LAMA3: variants seen among roughly 807,000 people sequenced by gnomAD.
LAMA3 encodes laminin subunit alpha-3.
LAMA3 carries 281 observed loss-of-function variants against 402.0 expected under a neutral mutation model. The ratio of observed to expected loss-of-function variants is 0.70; its 90% CI spans 0.63 to 0.77. LAMA3 has a LOEUF of 0.77. Among genes scored for constraint, LAMA3 ranks in the 30% least tolerant of loss-of-function variants. LAMA3 has a pLI of 0.00. For synonymous variants in LAMA3, 1,431 were observed against 1,558.4 expected, an observed-to-expected ratio of 0.92 and a Z score of 1.93; for missense variants, 3,840 against 4,215.5, an observed-to-expected ratio of 0.91 and a Z score of 2.47.
At chr18:23,909,010 A>T (rs1003428919) in intron 54 of LAMA3, 143 bp from the exon 55 acceptor site, 2 of 752,908 alleles carry the variant, frequency 2.7e-6, no homozygotes, top group Non-Finnish European at 4.6e-6. Flanking sequence ...TAAGGGGGGA[A>T]CTACCGTAAC....
chr18:23,717,614 G>A (rs543337541), intron 2 of LAMA3, among the ~76,000 whole-genome samples: 12 of 139,300 alleles, frequency 8.6e-5, no homozygotes, highest in South Asian at 7.0e-4. Context: ...GTGCAGTGGC[G>A]TGATATCAGC....
chr18:23,806,777 G>A (rs1186080064), intron 12 of LAMA3, among the ~76,000 whole-genome samples: 1 of 152,224 alleles, frequency 6.6e-6, no homozygotes, highest in Non-Finnish European at 1.5e-5. Context: ...GTTTTCTGCA[G>A]TCTCAGCTCT....
intron 30 of LAMA3, 91 bp downstream of exon 30, chr18:23,845,215 A>G (rs2063787868): frequency 2.6e-6 from 2 of 776,350 alleles, no homozygotes; most frequent in South Asian, 1.4e-5. Flanking sequence ...TGGCCCATGG[A>G]TCCGTCCTCT....
chr18:23,798,987 T>C (rs1385271977), intron 12 of LAMA3, among the ~76,000 whole-genome samples: 1 of 152,210 alleles, frequency 6.6e-6, no homozygotes, highest in Non-Finnish European at 1.5e-5. Context: ...CAAGATACAA[T>C]GAAGTAACAC....
In LAMA3 at chr18:23,784,165, G is replaced by A. The variant is rs1226512603; in HGVS notation, c.1603+8G>A. ...CATTCCCTATTTGCCAAGGTAAGTG[G>A]GCAGAACATAGCATATTCATAATCA... is the stretch of plus-strand genomic sequence containing the variant. On this transcript the variant is annotated splice_region_variant and intron_variant, in intron 12 of 74. Transcript: ENST00000313654. 1 of 1,614,050 alleles carries A rather than the reference G, an allele frequency of 6.2e-7. No individual in the cohort carries two copies.
intron 20 of LAMA3, among the ~76,000 whole-genome samples, chr18:23,823,466 G>A (rs554618621): frequency 5.1e-4 from 77 of 152,270 alleles, no homozygotes; most frequent in African/African-American, 1.8e-3. Flanking sequence ...TTTCCCCTAA[G>A]TCTGAGTTGG....
At chr18:23,773,005 AG>A (rs560183323) in intron 8 of LAMA3, among the ~76,000 whole-genome samples, 34 of 152,352 alleles carry the variant, frequency 2.2e-4, no homozygotes, top group African/African-American at 8.2e-4. Flanking sequence ...TATTCAGAAA[AG>A]GGTTTTATGA....
intron 39 of LAMA3, among the ~76,000 whole-genome samples, chr18:23,880,418 TA>T: frequency 6.6e-6 from 1 of 152,250 alleles, no homozygotes; most frequent in East Asian, 1.9e-4. Context: ...GTGTTTTGTG[TA>T]ATTTTCAGTT....
At chr18:23,933,726 G>A in intron 66 of LAMA3, 56 bp from the exon 67 acceptor site, 2 of 1,591,722 alleles carry the variant, frequency 1.3e-6, no homozygotes, top group Non-Finnish European at 1.7e-6. Context: ...CTACCAGAGG[G>A]TCTTCCTCGA....
intron 1 of LAMA3, among the ~76,000 whole-genome samples, chr18:23,712,378 TCA>T (rs760676268): frequency 6.8e-5 from 5 of 73,068 alleles, no homozygotes; most frequent in Admixed American, 1.4e-4. Flanking sequence ...AAACTCCGTC[TCA>T]AAAAAAAAAA....
intron 56 of LAMA3, 33 bp from the exon 57 acceptor site, chr18:23,914,377 G>A (rs1167900120): frequency 1.9e-6 from 3 of 1,613,776 alleles, no homozygotes; most frequent in Non-Finnish European, 2.5e-6. Context: ...AAACCACAAT[G>A]TGAAGTGTTC....
intron 46 of LAMA3, 32 bp from the exon 47 acceptor site, chr18:23,899,256 C>A: frequency 6.3e-7 from 1 of 1,597,498 alleles, no homozygotes; most frequent in Non-Finnish European, 8.6e-7. Flanking sequence ...GCCCAGAATT[C>A]CCAGTCTAAT....
chr18:23,953,185 G>A, intron 74 of LAMA3, 76 bp downstream of exon 74: 8 of 1,584,038 alleles, frequency 5.1e-6, no homozygotes, highest in African/African-American at 1.3e-5. Context: ...TAGTGGCAGG[G>A]CAGCTCTTGG....
At chr18:23,857,353 G>T (rs2064106352) in intron 32 of LAMA3, among the ~76,000 whole-genome samples, 1 of 152,208 alleles carries the variant, frequency 6.6e-6, no homozygotes, top group Non-Finnish European at 1.5e-5. Flanking sequence ...TGCTTGTGTT[G>T]TTCCCTGTAC....
Position 23,784,014 on chromosome 18 carries a change from C to T in LAMA3, c.1469-9C>T. ...GAGACCCCTTCTGAAAGTTTCCTGTCTTCTGCAGGGTGTGACTGTAATCTG... is the reference window on the plus strand; with the variant it reads ...GAGACCCCTTCTGAAAGTTTCCTGTTTTCTGCAGGGTGTGACTGTAATCTG... On this transcript the variant is annotated splice_polypyrimidine_tract_variant and intron_variant, in intron 11 of 74. Coordinates refer to ENST00000313654, the MANE Select transcript of LAMA3 (RefSeq NM_198129.4). 1 of 1,614,056 alleles carries T rather than the reference C, an allele frequency of 6.2e-7. No homozygotes were observed. Among genetic ancestry groups the T allele is most frequent in the Non-Finnish European group, 8.5e-7 (1 of 1,179,950 alleles).
At chr18:23,888,691 A>C (rs1463241486) in intron 41 of LAMA3, among the ~76,000 whole-genome samples, 1 of 152,208 alleles carries the variant, frequency 6.6e-6, no homozygotes, top group Non-Finnish European at 1.5e-5. Flanking sequence ...ACATTGGTGA[A>C]GTATATTGGA....
intron 26 of LAMA3, 96 bp downstream of exon 26, chr18:23,838,974 T>C (rs1355174432): frequency 3.8e-6 from 3 of 797,380 alleles, no homozygotes; most frequent in South Asian, 1.4e-5. Context: ...GAAATGATCA[T>C]AAGCCAAGGT....
chr18:23,737,211 A>G (rs942842702), intron 2 of LAMA3, among the ~76,000 whole-genome samples: 1 of 152,128 alleles, frequency 6.6e-6, no homozygotes, highest in Non-Finnish European at 1.5e-5. Flanking sequence ...CTTCTGGGGT[A>G]GGCTGCCATC....
rs12965685 is a variant in LAMA3, at chr18:23,861,753, C to T, written c.4530C>T (p.Pro1510=). Residue 1510 remains proline, a synonymous_variant, in exon 35 of 75, where the codon CCC becomes CCT. Coordinates refer to ENST00000313654, the MANE Select transcript of LAMA3 (RefSeq NM_198129.4). ...TGGTGGCGGATCTCCAGGAGCTGCCCGCAACCATCCACAGCGCGTCCTGGG... is the reference window on the plus strand; with the variant it reads ...TGGTGGCGGATCTCCAGGAGCTGCCTGCAACCATCCACAGCGCGTCCTGGG... ...NSMVADLQEL[P]ATIHSASWVA... The T allele has an allele frequency of 0.56, 906,396 of 1,612,978 alleles. 267,823 individuals are homozygous for T. The highest frequency in any genetic ancestry group is 0.62 in the Non-Finnish European group (728,290 of 1,179,420).
Sources: gnomAD v4.1 joint callset for allele counts (sites outside exome capture counted in the v4.1 genomes callset) on GRCh38, gnomAD v4.1.1 for gene constraint, MANE v1.5 for transcripts, NCBI Gene and HGNC (gene_info 2026-07-23, HGNC 2026-07-21) for gene names.